SLC24A2: variants seen among roughly 807,000 people sequenced by gnomAD.
The protein encoded by SLC24A2 is sodium/potassium/calcium exchanger 2.
Under a neutral mutation model 62.0 loss-of-function variants are expected in SLC24A2, and 36 were observed. The observed-to-expected ratio is 0.58, with a 90% CI of 0.44 to 0.77. The LOEUF is 0.77. Among genes scored for constraint, SLC24A2 ranks in the 30% least tolerant of loss-of-function variants. The pLI is 0.00. For synonymous variants in SLC24A2, 358 were observed against 294.0 expected, an observed-to-expected ratio of 1.22 and a Z score of -2.23; for missense variants, 846 against 817.9, an observed-to-expected ratio of 1.03 and a Z score of -0.42.
At chr9:20,284,776 T>C in the SLC24A2 span, among the ~76,000 whole-genome samples, 19 of 151,962 alleles carry the variant, frequency 1.3e-4, no homozygotes, top group African/African-American at 4.6e-4. Flanking sequence ...TAGGGTGGGG[T>C]CCTCAGCCTC....
chr9:20,037,546 G>C, the SLC24A2 span, among the ~76,000 whole-genome samples: 1 of 152,190 alleles, frequency 6.6e-6, no homozygotes, highest in African/African-American at 2.4e-5. Context: ...TAAATACTCA[G>C]AAGTGAGATT....
the SLC24A2 span, among the ~76,000 whole-genome samples, chr9:20,277,285 A>G: frequency 6.6e-6 from 1 of 152,138 alleles, no homozygotes; most frequent in Non-Finnish European, 1.5e-5. Context: ...AACTACCATC[A>G]GAGTGAACAG....
At chr9:20,022,101 C>G in the SLC24A2 span, among the ~76,000 whole-genome samples, 160 of 152,276 alleles carry the variant, frequency 1.1e-3, 1 homozygote, top group South Asian at 3.7e-3. Context: ...TTTAAGGTAT[C>G]TTTTCTTATC....
chr9:19,993,386 A>G, the SLC24A2 span, among the ~76,000 whole-genome samples: 1 of 152,220 alleles, frequency 6.6e-6, no homozygotes, highest in Non-Finnish European at 1.5e-5. Flanking sequence ...TTGATGTGGC[A>G]GTTAAATCTT....
the SLC24A2 span, among the ~76,000 whole-genome samples, chr9:19,938,152 C>T: frequency 1.3e-5 from 2 of 152,044 alleles, no homozygotes; most frequent in Admixed American, 1.3e-4. Context: ...TCTTCCCATA[C>T]CATTAGATAT....
At chr9:19,970,946 T>C in the SLC24A2 span, among the ~76,000 whole-genome samples, 1 of 152,202 alleles carries the variant, frequency 6.6e-6, no homozygotes, top group African/African-American at 2.4e-5. Context: ...TTCATGATCA[T>C]ACTCCTATGT....
At chr9:19,534,738 T>C (rs934153579) in intron 8 of SLC24A2, among the ~76,000 whole-genome samples, 4 of 152,304 alleles carry the variant, frequency 2.6e-5, no homozygotes, top group African/African-American at 9.6e-5. Flanking sequence ...TGTGGCACAT[T>C]TTCTTTATCC....
chr9:19,748,887 T>C (rs1354143975), intron 2 of SLC24A2, among the ~76,000 whole-genome samples: 3 of 151,702 alleles, frequency 2.0e-5, no homozygotes, highest in African/African-American at 7.3e-5. Context: ...CAGGAGGAAG[T>C]TGGTTTGTGT....
intron 2 of SLC24A2, among the ~76,000 whole-genome samples, chr9:19,667,136 A>G (rs188608995): frequency 1.1e-3 from 163 of 152,300 alleles, no homozygotes; most frequent in South Asian, 1.9e-3. Context: ...TATCACATAA[A>G]AAGAGAAAAT....
chr9:20,144,653 G>A, the SLC24A2 span, among the ~76,000 whole-genome samples: 1 of 152,108 alleles, frequency 6.6e-6, no homozygotes, highest in Non-Finnish European at 1.5e-5. Context: ...AGTGCACTGT[G>A]GGGGGACCAC....
At chr9:19,715,744 A>C (rs1820839718) in intron 2 of SLC24A2, among the ~76,000 whole-genome samples, 1 of 152,222 alleles carries the variant, frequency 6.6e-6, no homozygotes, top group Non-Finnish European at 1.5e-5. Flanking sequence ...AGCAATTGGC[A>C]ATTTTTATAC....
chr9:19,738,708 T>C (rs1487574815), intron 2 of SLC24A2, among the ~76,000 whole-genome samples: 1 of 152,240 alleles, frequency 6.6e-6, no homozygotes, highest in Non-Finnish European at 1.5e-5. Flanking sequence ...ACAATTAGGT[T>C]GTTTCCAACT....
chr9:19,969,183 C>CCCCACACA, the SLC24A2 span, among the ~76,000 whole-genome samples: 15 of 122,184 alleles, frequency 1.2e-4, no homozygotes, highest in Non-Finnish European at 1.7e-4. Context: ...ACCTCCTTTG[C>CCCCACACA]CACACACACA....
the SLC24A2 span, among the ~76,000 whole-genome samples, chr9:20,091,591 A>G: frequency 6.6e-6 from 1 of 152,174 alleles, no homozygotes; most frequent in Non-Finnish European, 1.5e-5. Context: ...CAAGAATTTT[A>G]TATCTACTAA....
intron 2 of SLC24A2, among the ~76,000 whole-genome samples, chr9:19,762,468 C>G (rs1344892057): frequency 1.3e-5 from 2 of 152,184 alleles, no homozygotes; most frequent in East Asian, 3.8e-4. Context: ...TTTAATCCAT[C>G]TTGAGTTAAT....
At chr9:20,024,224 G>A in the SLC24A2 span, among the ~76,000 whole-genome samples, 8 of 152,158 alleles carry the variant, frequency 5.3e-5, no homozygotes, top group Non-Finnish European at 8.8e-5. Flanking sequence ...GAACTGTGCC[G>A]TCTGGATTTG....
chr9:19,761,113 A>T (rs1483069371), intron 2 of SLC24A2, among the ~76,000 whole-genome samples: 1 of 152,228 alleles, frequency 6.6e-6, no homozygotes, highest in Non-Finnish European at 1.5e-5. Context: ...ACAGTGCTGC[A>T]GTAAACATGT....
intron 3 of SLC24A2, 133 bp downstream of exon 3, chr9:19,622,128 C>A: frequency 1.3e-6 from 1 of 744,194 alleles, no homozygotes; most frequent in South Asian, 1.5e-5. Context: ...AAGTACACAT[C>A]AGGGGTTAGA....
intron 2 of SLC24A2, among the ~76,000 whole-genome samples, chr9:19,772,226 C>A (rs1029902758): frequency 6.6e-6 from 1 of 152,146 alleles, no homozygotes; most frequent in Non-Finnish European, 1.5e-5. Context: ...AAGTCCTGGG[C>A]CCCAAACAAC....
Sources: allele counts gnomAD v4.1 joint callset (sites outside exome capture counted in the v4.1 genomes callset), GRCh38; gene constraint gnomAD v4.1.1; transcripts MANE v1.5; gene names NCBI Gene and HGNC (gene_info 2026-07-23, HGNC 2026-07-21).